Variants in FHIT observed in about 807,000 individuals in gnomAD.
FHIT encodes the protein fragile histidine triad diadenosine triphosphatase, also known as bis(5'-adenosyl)-triphosphatase.
FHIT carries 19 observed loss-of-function variants against 17.9 expected under a neutral mutation model. The ratio of observed to expected loss-of-function variants is 1.06; its 90% CI spans 0.74 to 1.56. The LOEUF is 1.56. Among genes scored for constraint, FHIT ranks in the 40% most tolerant of loss-of-function variants. FHIT has a pLI of 0.00. For synonymous variants in FHIT, 81 were observed against 69.7 expected (o/e 1.16, Z -0.81); for missense variants, 248 against 189.2 (o/e 1.31, Z -1.82).
intron 5 of FHIT, among the ~76,000 whole-genome samples, chr3:60,219,775 T>C (rs779091465): frequency 2.0e-5 from 3 of 152,142 alleles, no homozygotes; most frequent in Admixed American, 1.3e-4. Context: ...GTAAAAGCTT[T>C]AGGGCTTCTT....
rs79617753 is a variant in FHIT at position 60,081,083 on chromosome 3, G to C, written c.104-66931C>G. On this transcript the variant is annotated intron_variant, in intron 5 of 9. Coordinates refer to ENST00000492590, the MANE Select transcript of FHIT (RefSeq NM_002012.4). ...GCAAAGAGAGAGAAATAGACAGGGA[G>C]ATGGAATGAGGTAGACAAATCTTAG... 9.0e-3 allele frequency among the ~76,000 whole-genome samples: 1,373 copies of C among 152,188 alleles called. 17 individuals are homozygous for C. Among genetic ancestry groups the C allele is most frequent in the African/African-American group, 0.031 (1,302 of 41,522 alleles).
At position 61,085,478 on chromosome 3, in the gene FHIT, C is replaced by T. The variant is rs899285705; in HGVS notation, c.-163-43379G>A. The stretch of plus-strand genomic sequence containing the variant: ...TAATGTATATGCTTTGGTTTGTTTT[C>T]TTATTACCGACATAAGAATTCTTTA... On this transcript the variant is annotated intron_variant, in intron 2 of 9. Transcript: ENST00000492590. Among the ~76,000 whole-genome samples, 8 of 151,986 alleles carry T rather than the reference C, an allele frequency of 5.3e-5. 1 individual carries two copies. In the South Asian group the frequency reaches 6.2e-4, roughly 12 times the overall value.
At chr3:60,717,629 G>A (rs782117865) in intron 4 of FHIT, among the ~76,000 whole-genome samples, 10 of 152,132 alleles carry the variant, frequency 6.6e-5, no homozygotes, top group Non-Finnish European at 2.9e-5. Context: ...GCCTTTTAAA[G>A]AAATTGCATA....
intron 4 of FHIT, among the ~76,000 whole-genome samples, chr3:60,741,720 A>G (rs368365740): frequency 1.3e-5 from 2 of 152,298 alleles, no homozygotes. Context: ...ATCTAGCAAA[A>G]TGTACCTCCT....
chr3:60,686,294 T>A (rs1353405989), intron 4 of FHIT, among the ~76,000 whole-genome samples: 2 of 152,208 alleles, frequency 1.3e-5, no homozygotes, highest in Non-Finnish European at 2.9e-5. Context: ...CTCAGCATCT[T>A]GAACGTGTAC....
intron 3 of FHIT, among the ~76,000 whole-genome samples, chr3:60,988,296 G>C (rs998487321): frequency 1.3e-5 from 2 of 152,112 alleles, no homozygotes; most frequent in East Asian, 1.9e-4. Context: ...TTCTTATAAA[G>C]AATAAGTTTT....
At chr3:61,084,539 A>G (rs2035246887) in intron 2 of FHIT, among the ~76,000 whole-genome samples, 1 of 152,328 alleles carries the variant, frequency 6.6e-6, no homozygotes, top group Middle Eastern at 3.4e-3. Context: ...ATATTAGGTC[A>G]TCTTTAATTT....
In FHIT at chr3:59,935,493, A is replaced by T. The variant is rs530849996; in HGVS notation, c.280-13079T>A. ...CCATGACAGCTTTTTACCACAAAGT[A>T]TAAGTAATTACAGGTTTTCTCTTCC... On this transcript the variant is annotated intron_variant, in intron 7 of 9. Transcript: ENST00000492590. Among the ~76,000 whole-genome samples the T allele has an allele frequency of 7.4e-4, 112 of 152,278 alleles. No homozygotes were observed. In the South Asian group the frequency reaches 0.022, roughly 30 times the overall value.
intron 5 of FHIT, among the ~76,000 whole-genome samples, chr3:60,216,272 G>A (rs1320577751): frequency 6.6e-6 from 1 of 152,170 alleles, no homozygotes; most frequent in Non-Finnish European, 1.5e-5. Flanking sequence ...AATCTTAGAA[G>A]ACTGATCTAA....
intron 4 of FHIT, among the ~76,000 whole-genome samples, chr3:60,797,512 G>A (rs894961652): frequency 8.8e-5 from 13 of 147,098 alleles, no homozygotes; most frequent in South Asian, 2.1e-4. Context: ...GCTGAATACC[G>A]TATCTATTTT....
chr3:60,803,556 A>G (rs1190435061), intron 4 of FHIT, among the ~76,000 whole-genome samples: 1 of 152,172 alleles, frequency 6.6e-6, no homozygotes, highest in Non-Finnish European at 1.5e-5. Flanking sequence ...TGGATGAGAA[A>G]GCCTTTTATG....
At chr3:60,468,066 T>C (rs2032894124) in intron 5 of FHIT, among the ~76,000 whole-genome samples, 1 of 152,162 alleles carries the variant, frequency 6.6e-6, no homozygotes, top group African/African-American at 2.4e-5. Flanking sequence ...CTTACCATAG[T>C]TTTTGTCTTG....
intron 2 of FHIT, among the ~76,000 whole-genome samples, chr3:61,065,910 T>C (rs1443350819): frequency 2.0e-5 from 3 of 152,122 alleles, no homozygotes; most frequent in Non-Finnish European, 1.5e-5. Flanking sequence ...TCCTAGAGGG[T>C]GACTGTCTTA....
intron 5 of FHIT, among the ~76,000 whole-genome samples, chr3:60,298,404 C>A (rs912515702): frequency 2.0e-5 from 3 of 152,094 alleles, no homozygotes; most frequent in Non-Finnish European, 2.9e-5. Context: ...ACTCTTATCT[C>A]CAGAGATTTC....
rs552870619 is a variant in FHIT, at chr3:61,189,138, A to C, written c.-164+11479T>G. Among the ~76,000 whole-genome samples, 5 of 152,344 alleles carry C rather than the reference A, an allele frequency of 3.3e-5. No homozygotes were observed. The South Asian group carries it at 8.3e-4, about 25-fold the overall frequency. On this transcript the variant is annotated intron_variant, in intron 2 of 9. Coordinates refer to ENST00000492590, the MANE Select transcript of FHIT (RefSeq NM_002012.4). ...TATTGAATTAGGAAAAGAGGAAGTC[A>C]AACTGTCCCTGTTTGCCGATGACAT... is the stretch of plus-strand genomic sequence containing the variant.
intron 5 of FHIT, among the ~76,000 whole-genome samples, chr3:60,234,598 G>C (rs1704673375): frequency 6.6e-6 from 1 of 152,174 alleles, no homozygotes; most frequent in Non-Finnish European, 1.5e-5. Context: ...TCATTTCTAA[G>C]TCTTAGCTGG....
chr3:61,184,043 C>T (rs2038427103), intron 2 of FHIT, among the ~76,000 whole-genome samples: 1 of 152,062 alleles, frequency 6.6e-6, no homozygotes, highest in South Asian at 2.1e-4. Context: ...GTTTCTAAAT[C>T]AGAAAGATGA....
At chr3:60,635,593 C>T (rs1438146122) in intron 4 of FHIT, among the ~76,000 whole-genome samples, 2 of 152,196 alleles carry the variant, frequency 1.3e-5, no homozygotes, top group Non-Finnish European at 2.9e-5. Context: ...GCCTAGAAAT[C>T]CCTGGTAAGT....
intron 5 of FHIT, among the ~76,000 whole-genome samples, chr3:60,135,665 G>C (rs541944605): frequency 6.6e-6 from 1 of 152,054 alleles, no homozygotes; most frequent in Non-Finnish European, 1.5e-5. Context: ...TTCTCACCTC[G>C]GGCAGTGGCA....
Sources: gnomAD v4.1 joint callset for allele counts (sites outside exome capture counted in the v4.1 genomes callset) on GRCh38, gnomAD v4.1.1 for gene constraint, MANE v1.5 for transcripts, NCBI Gene and HGNC (gene_info 2026-07-23, HGNC 2026-07-21) for gene names.